ODAD2: variants seen among roughly 807,000 people sequenced by gnomAD.
The protein encoded by ODAD2 is outer dynein arm-docking complex subunit 2.
A neutral mutation model predicts 106.8 loss-of-function variants in ODAD2; 89 were observed. That is an observed-to-expected ratio of 0.83 (90% CI 0.70 to 0.99). ODAD2 has a LOEUF of 0.99. Among genes scored for constraint, ODAD2 ranks in the 50% least tolerant of loss-of-function variants. The pLI is 0.00. For synonymous variants in ODAD2, 404 were observed against 436.2 expected, an observed-to-expected ratio of 0.93 and a Z score of 0.92; for missense variants, 1,168 against 1,238.5, an observed-to-expected ratio of 0.94 and a Z score of 0.85.
At chr10:27,970,036 G>T (rs1848735745) in intron 8 of ODAD2, among the ~76,000 whole-genome samples, 1 of 151,874 alleles carries the variant, frequency 6.6e-6, no homozygotes, top group African/African-American at 2.4e-5. Flanking sequence ...AACCTGGGAG[G>T]CAGAGGTTGC....
chr10:27,965,295 G>A (rs60016736), intron 9 of ODAD2, among the ~76,000 whole-genome samples: 2,308 of 152,292 alleles, frequency 0.015, 43 homozygotes, highest in African/African-American at 0.044. Context: ...CGGTCCCCAT[G>A]CCCTGTGGTT....
Position 27,969,011 on chromosome 10 carries a change from A to T in ODAD2, c.1150T>A (p.Ser384Thr). 1 of 612,460 alleles carries T rather than the reference A, an allele frequency of 1.6e-6. No individual in the cohort carries two copies. The highest frequency in any genetic ancestry group is 2.9e-6 in the Non-Finnish European group (1 of 341,278). The allele number at this position is 612,460 out of a possible 1,614,324, so 37.9% of individuals were successfully genotyped here. Residue 384 changes from serine (S) to threonine (T), a missense_variant, in exon 9 of 20, where the codon TCA becomes ACA. By Grantham distance (58) the Ser-to-Thr change is moderately conservative. Coordinates refer to ENST00000305242, the MANE Select transcript of ODAD2 (RefSeq NM_018076.5). Reference protein sequence around the residue: ...KTTVNYKGKGSAKEIQEDKHT... With the variant: ...KTTVNYKGKGTAKEIQEDKHT... ...TTGTCCTCTTGGATTTCTTTTGCTG[A>T]GCCTTTGCTTTAAAAAAATATACAA...
At chr10:27,906,791 T>G (rs7095239) in intron 17 of ODAD2, among the ~76,000 whole-genome samples, 1 of 151,878 alleles carries the variant, frequency 6.6e-6, no homozygotes, top group Non-Finnish European at 1.5e-5. Context: ...CATGTTCTCA[T>G]TCATAAGCGG....
At chr10:27,977,203 A>C (rs1439463341) in intron 7 of ODAD2, among the ~76,000 whole-genome samples, 1 of 152,128 alleles carries the variant, frequency 6.6e-6, no homozygotes, top group African/African-American at 2.4e-5. Context: ...ACTATAAGGA[A>C]AAAATAAGTT....
At chr10:27,886,958 A>G (rs1430074598) in intron 17 of ODAD2, among the ~76,000 whole-genome samples, 3 of 152,028 alleles carry the variant, frequency 2.0e-5, no homozygotes, top group African/African-American at 7.2e-5. Flanking sequence ...GAAGAAAATG[A>G]GGAATAAAAG....
chr10:27,978,180 G>A (rs1229050640), intron 7 of ODAD2, among the ~76,000 whole-genome samples: 4 of 152,046 alleles, frequency 2.6e-5, no homozygotes, highest in Non-Finnish European at 5.9e-5. Flanking sequence ...ATCCATAAAA[G>A]CAATAAATTA....
chr10:27,822,316 G>C (rs1836676445), intron 19 of ODAD2, among the ~76,000 whole-genome samples: 1 of 152,210 alleles, frequency 6.6e-6, no homozygotes, highest in African/African-American at 2.4e-5. Flanking sequence ...GGTTTGACTT[G>C]ACATTGTTTG....
At chr10:27,902,561 A>C (rs1198992244) in intron 17 of ODAD2, among the ~76,000 whole-genome samples, 1 of 152,146 alleles carries the variant, frequency 6.6e-6, no homozygotes, top group Non-Finnish European at 1.5e-5. Context: ...CAAGACTAAT[A>C]AAAAAGAAAA....
At chr10:27,883,438 A>G (rs1841879812) in intron 17 of ODAD2, among the ~76,000 whole-genome samples, 1 of 152,156 alleles carries the variant, frequency 6.6e-6, no homozygotes, top group Non-Finnish European at 1.5e-5. Flanking sequence ...TCTGACTTCT[A>G]GGATTTTCAT....
intron 10 of ODAD2, among the ~76,000 whole-genome samples, chr10:27,954,999 A>T (rs1262310689): frequency 6.6e-6 from 1 of 151,922 alleles, no homozygotes; most frequent in Non-Finnish European, 1.5e-5. Context: ...ACAAGCAATT[A>T]AAAAAAAGTC....
At chr10:27,951,130 A>G (rs1847301776) in intron 10 of ODAD2, among the ~76,000 whole-genome samples, 1 of 152,232 alleles carries the variant, frequency 6.6e-6, no homozygotes, top group South Asian at 2.1e-4. Context: ...TAAATGGATG[A>G]ATGGTCATAC....
intron 17 of ODAD2, among the ~76,000 whole-genome samples, chr10:27,894,940 T>C (rs1202511576): frequency 6.6e-6 from 1 of 150,962 alleles, no homozygotes; most frequent in East Asian, 2.0e-4. Context: ...TGAATTATGA[T>C]ATATCCATAC....
chr10:27,869,107 T>C (rs1281343291), intron 17 of ODAD2, among the ~76,000 whole-genome samples: 1 of 152,012 alleles, frequency 6.6e-6, no homozygotes, highest in African/African-American at 2.4e-5. Context: ...GAAAGATATC[T>C]ATAAAGAATT....
At chr10:27,924,062 G>A (rs1845059433) in intron 16 of ODAD2, among the ~76,000 whole-genome samples, 1 of 151,544 alleles carries the variant, frequency 6.6e-6, no homozygotes, top group Non-Finnish European at 1.5e-5. Context: ...AAGAAAGAAA[G>A]AAAGAAAGAA....
chr10:27,889,003 C>T (rs745510874), intron 17 of ODAD2, among the ~76,000 whole-genome samples: 1 of 152,146 alleles, frequency 6.6e-6, no homozygotes, highest in Non-Finnish European at 1.5e-5. Flanking sequence ...AAGTTCTAAG[C>T]ATGTTGAGTT....
intron 10 of ODAD2, among the ~76,000 whole-genome samples, chr10:27,947,752 G>T (rs916959899): frequency 3.3e-5 from 5 of 152,132 alleles, no homozygotes; most frequent in Non-Finnish European, 7.4e-5. Context: ...ACTAGAAAGT[G>T]CAAGAAGACA....
intron 16 of ODAD2, among the ~76,000 whole-genome samples, chr10:27,910,204 T>C (rs146817700): frequency 6.6e-5 from 10 of 152,258 alleles, no homozygotes; most frequent in East Asian, 1.9e-4. Flanking sequence ...ATTTCTGCAA[T>C]AGCTCCTTGA....
At position 27,939,887 on chromosome 10, in the gene ODAD2, T is replaced by G; in HGVS notation, c.2097+10A>C. The G allele has an allele frequency of 1.3e-6, 2 of 1,555,442 alleles. No individual in the cohort carries two copies. Among genetic ancestry groups the G allele is most frequent in the Non-Finnish European group, 1.7e-6 (2 of 1,144,018 alleles). On this transcript the variant is annotated intron_variant, in intron 14 of 19. Coordinates refer to ENST00000305242, the MANE Select transcript of ODAD2 (RefSeq NM_018076.5). ...AGAACGCCAACAACCGCTGGGAGAG[T>G]TCACTGCACCTGGTAAATGGCCATG...
At chr10:27,844,974 A>T (rs1838613910) in intron 19 of ODAD2, among the ~76,000 whole-genome samples, 1 of 152,188 alleles carries the variant, frequency 6.6e-6, no homozygotes, top group Non-Finnish European at 1.5e-5. Context: ...TTCTAGGCAC[A>T]TTCAATTTTT....
Sources: gnomAD v4.1 joint callset for allele counts (sites outside exome capture counted in the v4.1 genomes callset) on GRCh38, gnomAD v4.1.1 for gene constraint, MANE v1.5 for transcripts, NCBI Gene and HGNC (gene_info 2026-07-23, HGNC 2026-07-21) for gene names.